The following MAPK8IP3 variants were observed in gnomAD, a reference collection of about 807,000 sequenced individuals.
MAPK8IP3 encodes C-Jun-amino-terminal kinase-interacting protein 3.
Under a neutral mutation model 157.8 loss-of-function variants are expected in MAPK8IP3, and 49 were observed. The observed-to-expected ratio is 0.31, with a 90% CI of 0.25 to 0.39. MAPK8IP3 has a LOEUF of 0.39. MAPK8IP3 is among the 10% of genes least tolerant of loss of function. The pLI is 1.00. For missense variants in MAPK8IP3, 1,478 were observed against 1,889.4 expected, an observed-to-expected ratio of 0.78 and a Z score of 4.04; for synonymous variants, 897 against 777.7, an observed-to-expected ratio of 1.15 and a Z score of -2.55.
chr16:1,719,693 A>T (rs2142311131), intron 1 of MAPK8IP3, among the ~76,000 whole-genome samples: 1 of 151,356 alleles, frequency 6.6e-6, no homozygotes, highest in Admixed American at 6.6e-5. Context: ...AAAAACCACA[A>T]AAATTAGCCC....
At chr16:1,746,019 C>G (rs1327879636) in intron 5 of MAPK8IP3, 1 of 152,256 alleles carries the variant, frequency 6.6e-6, no homozygotes, top group Non-Finnish European at 1.5e-5. Context: ...ACAGCTCCTC[C>G]CTGGGTGAGA....
intron 4 of MAPK8IP3, among the ~76,000 whole-genome samples, 196 bp downstream of exon 4, chr16:1,729,774 G>A (rs1276429435): frequency 6.6e-6 from 1 of 152,134 alleles, no homozygotes; most frequent in Non-Finnish European, 1.5e-5. Flanking sequence ...GGCGGCCCTG[G>A]GCGACGGACA....
rs764674990 is a variant in MAPK8IP3 at position 1,748,586 on chromosome 16, C to T, written c.1098-16C>T. The T allele has an allele frequency of 1.2e-6, 2 of 1,601,894 alleles. No individual in the cohort carries two copies. Among genetic ancestry groups the T allele is most frequent in the Admixed American group, 1.7e-5 (1 of 59,992 alleles). On this transcript the variant is annotated splice_polypyrimidine_tract_variant and intron_variant, in intron 7 of 31. Transcript: ENST00000610761. ...CACTGACTCTGCTCTCTCTCCCGACCTGTGGATCCCAACAGCCCAACCCAG... is the reference window on the plus strand; with the variant it reads ...CACTGACTCTGCTCTCTCTCCCGACTTGTGGATCCCAACAGCCCAACCCAG...
chr16:1,764,281 C>T lies in MAPK8IP3; in HGVS notation c.2122-20C>T, dbSNP rs1280802364. On this transcript the variant is annotated intron_variant, in intron 18 of 31. Transcript: ENST00000610761. The stretch of plus-strand genomic sequence containing the variant: ...GCTGGGGAGTGCCGGTGACACCCGA[C>T]CTCGGCCCTGCCCTTGCAGCTGTGG... The T allele has an allele frequency of 1.3e-6, 2 of 1,584,970 alleles. No individual in the cohort carries two copies. The highest frequency in any genetic ancestry group is 1.8e-5 in the Admixed American group (1 of 55,822).
chr16:1,764,480 C>G (rs762009618), intron 19 of MAPK8IP3, 21 bp downstream of exon 19: 10 of 1,604,312 alleles, frequency 6.2e-6, no homozygotes, highest in African/African-American at 1.3e-5. Flanking sequence ...CCGAGGCCAC[C>G]GGGCACCCTC....
At chr16:1,758,229 C>T (rs1253913338) in intron 9 of MAPK8IP3, 70 bp downstream of exon 9, 43 of 1,572,488 alleles carry the variant, frequency 2.7e-5, no homozygotes, top group Middle Eastern at 3.5e-4. Context: ...GGGGATGCCC[C>T]GAGCTATCCC....
At chr16:1,718,803 T>C (rs1596555916) in intron 1 of MAPK8IP3, among the ~76,000 whole-genome samples, 4 of 149,122 alleles carry the variant, frequency 2.7e-5, no homozygotes, top group Non-Finnish European at 1.5e-5. Flanking sequence ...AAAAAAAGAA[T>C]GTTCCAGCAT....
intron 1 of MAPK8IP3, among the ~76,000 whole-genome samples, chr16:1,709,915 C>A (rs1201657352): frequency 1.3e-5 from 2 of 152,164 alleles, no homozygotes; most frequent in Non-Finnish European, 2.9e-5. Flanking sequence ...GCTGGTAACA[C>A]CCCCCAGGCT....
At chr16:1,712,535 G>T (rs1479900186) in intron 1 of MAPK8IP3, among the ~76,000 whole-genome samples, 1 of 152,118 alleles carries the variant, frequency 6.6e-6, no homozygotes, top group Non-Finnish European at 1.5e-5. Context: ...CAGGCAGGGG[G>T]ATTAGCTGAT....
Position 1,768,614 on chromosome 16 carries a change from G to T in MAPK8IP3, c.3880G>T (p.Asp1294Tyr). Residue 1294 changes from aspartate to tyrosine, a missense_variant, in exon 31 of 32, where the codon GAC becomes TAC. Coordinates refer to ENST00000610761, the MANE Select transcript of MAPK8IP3 (RefSeq NM_001318852.2). ...GCTGAGCGGCGGGGAGGGCTACATC[G>T]ACTTCCGCATTGGTGAGCGGGGCCC... is the stretch of plus-strand genomic sequence containing the variant. ...LVLSGGEGYI[D>Y]FRIGDGEDDE... The T allele has an allele frequency of 6.3e-7, 1 of 1,598,242 alleles. No homozygotes were observed.
chr16:1,723,002 A>AT (rs1477392398), intron 1 of MAPK8IP3, among the ~76,000 whole-genome samples: 6 of 149,628 alleles, frequency 4.0e-5, no homozygotes, highest in East Asian at 2.0e-4. Context: ...TGCCTGGCCA[A>AT]TTTTTTTTGT....
In MAPK8IP3 at chr16:1,743,165, G is replaced by A. The variant is rs573388499; in HGVS notation, c.603-167G>A. On this transcript the variant is annotated intron_variant, in intron 4 of 31. Transcript: ENST00000610761. This position sits in a 1 kb window ranked among gnomAD's most constrained non-coding sequence, Gnocchi z 5.6. ...AAAATGAGAAACTGCAGCATCATGG[G>A]AGGGGAAGCGCCACGTAGGATCATA... Among the ~76,000 whole-genome samples, 2 of 152,320 alleles carry A rather than the reference G, an allele frequency of 1.3e-5. No individual in the cohort carries two copies. Among genetic ancestry groups the A allele is most frequent in the South Asian group, 4.1e-4 (2 of 4,820 alleles).
chr16:1,735,553 GAGTGTGAC>G (rs2039653396), intron 4 of MAPK8IP3, among the ~76,000 whole-genome samples: 1 of 127,790 alleles, frequency 7.8e-6, no homozygotes, highest in African/African-American at 3.1e-5. Flanking sequence ...GTCCGTGTGA[GAGTGTGAC>G]CGTCCATGTG....
At chr16:1,719,189 G>A (rs1053020129) in intron 1 of MAPK8IP3, among the ~76,000 whole-genome samples, 2 of 151,894 alleles carry the variant, frequency 1.3e-5, no homozygotes, top group African/African-American at 4.8e-5. Context: ...GGCTGGGCTC[G>A]AACTCTTGGC....
intron 1 of MAPK8IP3, among the ~76,000 whole-genome samples, chr16:1,719,604 G>T (rs189306186): frequency 2.6e-5 from 4 of 151,322 alleles, no homozygotes; most frequent in African/African-American, 7.3e-5. Context: ...GGAGGCTGAG[G>T]GGGGATCGCT....
intron 2 of MAPK8IP3, among the ~76,000 whole-genome samples, chr16:1,725,480 A>G (rs927387305): frequency 1.3e-5 from 2 of 150,098 alleles, no homozygotes; most frequent in Non-Finnish European, 3.0e-5. Context: ...TATAAAAATT[A>G]CCCGGGCATG....
chr16:1,733,100 T>C (rs1485219444), intron 4 of MAPK8IP3, among the ~76,000 whole-genome samples: 1 of 152,200 alleles, frequency 6.6e-6, no homozygotes, highest in Admixed American at 6.5e-5. Context: ...ATCTTTGTGT[T>C]GTTTTTCAGG....
At chr16:1,727,481 G>C (rs117188601) in intron 2 of MAPK8IP3, among the ~76,000 whole-genome samples, 1,665 of 152,338 alleles carry the variant, frequency 0.011, 12 homozygotes, top group South Asian at 0.031. Context: ...TGTACATCGT[G>C]TGTCAGGTGC....
At chr16:1,725,976 G>T (rs778189016) in intron 2 of MAPK8IP3, among the ~76,000 whole-genome samples, 1 of 152,230 alleles carries the variant, frequency 6.6e-6, no homozygotes, top group Non-Finnish European at 1.5e-5. Flanking sequence ...GAGCCACCGC[G>T]CCTGGCCCCA....
Sources: gnomAD v4.1 joint callset for allele counts (sites outside exome capture counted in the v4.1 genomes callset) on GRCh38, gnomAD v4.1.1 for gene constraint, Gnocchi (gnomAD v3.1) non-coding constraint, MANE v1.5 for transcripts, NCBI Gene and HGNC (gene_info 2026-07-23, HGNC 2026-07-21) for gene names.